The following MAP2 variants were observed in gnomAD, a reference collection of about 807,000 sequenced individuals.
MAP2 encodes microtubule associated protein 2.
A neutral mutation model predicts 137.6 loss-of-function variants in MAP2; 14 were observed. The ratio of observed to expected loss-of-function variants is 0.10; its 90% CI spans 0.07 to 0.16. The LOEUF is 0.16. Ranked by LOEUF, MAP2 falls within the 10% of genes least tolerant of loss-of-function variation. The pLI, the probability that MAP2 is intolerant of heterozygous loss-of-function variation, is 1.00. For synonymous variants in MAP2, 786 were observed against 782.3 expected (o/e 1.00, Z -0.08); for missense variants, 2,088 against 2,191.5 (o/e 0.95, Z 0.94).
chr2:209,547,324 CT>C (rs35067972), intron 2 of MAP2, among the ~76,000 whole-genome samples: 8 of 149,460 alleles, frequency 5.4e-5, no homozygotes, highest in East Asian at 2.0e-4. Context: ...CACCTGAATT[CT>C]TTTTTTTTTA....
At chr2:209,723,637 T>G (rs763417813) in intron 13 of MAP2, 5 of 1,613,938 alleles carry the variant, frequency 3.1e-6, no homozygotes, top group Non-Finnish European at 4.2e-6. Context: ...CAAAGTTCAG[T>G]CCAGATGTGG....
intron 3 of MAP2, among the ~76,000 whole-genome samples, chr2:209,589,330 C>T (rs1472206626): frequency 6.6e-6 from 1 of 152,178 alleles, no homozygotes. Context: ...AAGTGTCCTA[C>T]TCAAGTCAAT....
At chr2:209,683,808 G>A (rs917429937) in intron 7 of MAP2, among the ~76,000 whole-genome samples, 1 of 152,176 alleles carries the variant, frequency 6.6e-6, no homozygotes, top group African/African-American at 2.4e-5. Context: ...ACAAATGGAA[G>A]AAAGCTCTTT....
At chr2:209,606,978 T>A (rs2084987349) in intron 3 of MAP2, among the ~76,000 whole-genome samples, 1 of 152,188 alleles carries the variant, frequency 6.6e-6, no homozygotes, top group African/African-American at 2.4e-5. Flanking sequence ...TTATTAACTT[T>A]AAATATATTT....
intron 4 of MAP2, among the ~76,000 whole-genome samples, chr2:209,625,708 A>G (rs115290769): frequency 0.028 from 4,237 of 152,266 alleles, 105 homozygotes; most frequent in Non-Finnish European, 0.042. Flanking sequence ...AGACTTTCCT[A>G]CATTTTGAGT....
Position 209,696,930 on chromosome 2 carries a change from G to A in MAP2, c.4401G>A (p.Lys1467=). ...EVRRKKAVYK[K]AELAKKTEVQ... ...TCTTATTCATAGCAGTTTATAAGAA[G>A]GCTGAACTTGCTAAAAAAACAGAAG... is the stretch of plus-strand genomic sequence containing the variant. Residue 1467 remains lysine (K), a synonymous_variant, in exon 10 of 16, where the codon AAG becomes AAA. Transcript: ENST00000682079. 1 of 1,603,870 alleles carries A rather than the reference G, an allele frequency of 6.2e-7. No homozygotes were observed. Among genetic ancestry groups the A allele is most frequent in the Non-Finnish European group, 8.5e-7 (1 of 1,177,498 alleles).
chr2:209,543,703 G>A (rs377121733), intron 2 of MAP2, among the ~76,000 whole-genome samples: 1 of 152,140 alleles, frequency 6.6e-6, no homozygotes, highest in East Asian at 1.9e-4. Flanking sequence ...GATTGTGTCA[G>A]GTTTCTTTAG....
At chr2:209,659,321 G>T (rs2042343048) in intron 5 of MAP2, among the ~76,000 whole-genome samples, 1 of 152,092 alleles carries the variant, frequency 6.6e-6, no homozygotes, top group Admixed American at 6.6e-5. Context: ...GAAAATCGTG[G>T]TGAAATTAGC....
chr2:209,680,364 A>G (rs1408124986), intron 6 of MAP2, among the ~76,000 whole-genome samples: 1 of 152,174 alleles, frequency 6.6e-6, no homozygotes, highest in Non-Finnish European at 1.5e-5. Flanking sequence ...TTCAGTCAGT[A>G]GCTGAATCCA....
At chr2:209,585,650 C>G (rs1305942543) in intron 3 of MAP2, among the ~76,000 whole-genome samples, 2 of 152,120 alleles carry the variant, frequency 1.3e-5, no homozygotes, top group Admixed American at 6.6e-5. Flanking sequence ...GCATATTATT[C>G]TCTCACCTAA....
At chr2:209,466,825 T>C (rs1704245617) in intron 1 of MAP2, among the ~76,000 whole-genome samples, 1 of 152,206 alleles carries the variant, frequency 6.6e-6, no homozygotes, top group South Asian at 2.1e-4. Context: ...ATCAAATTCT[T>C]GCCACTTTCA....
intron 3 of MAP2, among the ~76,000 whole-genome samples, chr2:209,587,514 T>C (rs2078073759): frequency 6.6e-6 from 1 of 152,092 alleles, no homozygotes; most frequent in Non-Finnish European, 1.5e-5. Context: ...AGGAGCCAAG[T>C]ATTCATAAGA....
chr2:209,504,481 A>T (rs1278909782), intron 1 of MAP2, among the ~76,000 whole-genome samples: 2 of 152,212 alleles, frequency 1.3e-5, no homozygotes, highest in African/African-American at 4.8e-5. Flanking sequence ...GTTTCAGGTT[A>T]GACTTTCCCT....
chr2:209,552,134 C>T (rs1349455764), intron 2 of MAP2, among the ~76,000 whole-genome samples: 1 of 152,152 alleles, frequency 6.6e-6, no homozygotes, highest in African/African-American at 2.4e-5. Context: ...ATTCTAATTT[C>T]TTTCTCTACT....
At chr2:209,500,682 G>A (rs1351955994) in intron 1 of MAP2, among the ~76,000 whole-genome samples, 1 of 151,630 alleles carries the variant, frequency 6.6e-6, no homozygotes, top group Non-Finnish European at 1.5e-5. Context: ...ACTCTTTAAG[G>A]TTAAAGAACA....
rs1385137613 is a variant in MAP2 at position 209,694,530 on chromosome 2, A to C, written c.2360A>C (p.Glu787Ala). 6 of 1,613,964 alleles carry C rather than the reference A, an allele frequency of 3.7e-6. No homozygotes were observed. The highest frequency in any genetic ancestry group is 5.1e-6 in the Non-Finnish European group (6 of 1,179,982). ...EESTQAEISC[E>A]SPFLAKDFYK... ...AGTACTCAAGCGGAGATATCATGTG[A>C]GTCTCCTTTCCTAGCCAAAGATTTT... Residue 787 changes from glutamate (E) to alanine (A), a missense_variant, in exon 8 of 16, where the codon GAG (glutamate) becomes GCG (alanine). Around this residue, in one of 6 missense-constraint regions of MAP2, gnomAD observed 500 missense variants for 482.9 expected, o/e 1.04. Coordinates refer to ENST00000682079, the MANE Select transcript of MAP2 (RefSeq NM_001375505.1).
At position 209,539,993 on chromosome 2, in the gene MAP2, C is replaced by T. The variant is rs1404729746; in HGVS notation, c.-172+32352C>T. Among the ~76,000 whole-genome samples the T allele has an allele frequency of 4.9e-5, 7 of 143,788 alleles. 1 individual carries two copies. In the East Asian group the frequency reaches 1.5e-3, roughly 30 times the overall value. 94.3% of individuals were successfully genotyped at this position (143,788 alleles called of 152,430 possible). ...GCATGTGCCTGTAGTCCCAGCTACT[C>T]AGGAGGCCAAGGCAGGAGGGTTGTT... is the stretch of plus-strand genomic sequence containing the variant. On this transcript the variant is annotated intron_variant, in intron 2 of 15. Transcript: ENST00000682079.
At chr2:209,584,654 G>C (rs2077268410) in intron 3 of MAP2, among the ~76,000 whole-genome samples, 1 of 152,086 alleles carries the variant, frequency 6.6e-6, no homozygotes, top group Non-Finnish European at 1.5e-5. Context: ...TCAGAACTGT[G>C]TGTGAGAGCA....
intron 1 of MAP2, among the ~76,000 whole-genome samples, chr2:209,454,287 T>C (rs1701015944): frequency 6.6e-6 from 1 of 152,060 alleles, no homozygotes; most frequent in African/African-American, 2.4e-5. Flanking sequence ...GGCAGGATTG[T>C]TCAACCACAG....
Sources: gnomAD v4.1 joint callset for allele counts (sites outside exome capture counted in the v4.1 genomes callset) on GRCh38, gnomAD v4.1.1 for gene constraint, gnomAD v4.1.1 regional missense constraint, MANE v1.5 for transcripts, NCBI Gene and HGNC (gene_info 2026-07-23, HGNC 2026-07-21) for gene names.